MMRN2: variants seen among roughly 807,000 people sequenced by gnomAD.
The protein encoded by MMRN2 is multimerin 2, also known as multimerin-2.
A neutral mutation model predicts 68.8 loss-of-function variants in MMRN2; 53 were observed. The ratio of observed to expected loss-of-function variants is 0.77; its 90% confidence interval spans 0.62 to 0.97. The LOEUF is 0.97. MMRN2 is among the 50% of genes least tolerant of loss of function. MMRN2 has a pLI of 0.00. For synonymous variants in MMRN2, 564 were observed against 551.6 expected (o/e 1.02, Z -0.32); for missense variants, 1,266 against 1,259.5 (o/e 1.01, Z -0.08).
chr10:86,951,065 G>A (rs1397705455), intron 1 of MMRN2, among the ~76,000 whole-genome samples: 1 of 152,012 alleles, frequency 6.6e-6, no homozygotes, highest in East Asian at 1.9e-4. Context: ...TCCAGCCTGG[G>A]CAACAAGAGT....
chr10:86,953,766 C>T (rs901779672), intron 1 of MMRN2, among the ~76,000 whole-genome samples: 8 of 152,260 alleles, frequency 5.3e-5, no homozygotes, highest in Non-Finnish European at 5.9e-5. Context: ...CCTTGCAAAC[C>T]TCTGACCTAC....
At position 86,936,889 on chromosome 10, in the gene MMRN2, G is replaced by A; in HGVS notation, c.2704C>T (p.Gln902Ter). 6.2e-7 allele frequency: 1 copy of A among 1,614,186 alleles called. No individual in the cohort carries two copies. Among genetic ancestry groups the A allele is most frequent in the Non-Finnish European group, 8.5e-7 (1 of 1,180,044 alleles). Residue 902 changes from glutamine to a stop codon, truncating the protein, a stop_gained, in exon 7 of 7, where the codon CAG (glutamine) becomes TAG (stop). Coordinates refer to ENST00000372027, the MANE Select transcript of MMRN2 (RefSeq NM_024756.3). LOFTEE classifies it low-confidence loss of function (END_TRUNC). The part of the protein sequence containing the change: ...HHRTPVCTTG[Q>*]GSGSTATVFA... ...ACCGTTGCTGTGCTTCCACTCCCCT[G>A]CCCAGTGGTACAGACTGGAGTCCGA...
chr10:86,944,449 A>ATAAAT lies in MMRN2; in HGVS notation c.482-15_482-14insATTTA. The ATAAAT allele has an allele frequency of 6.2e-7, 1 of 1,612,876 alleles. No homozygotes were observed. Among genetic ancestry groups the ATAAAT allele is most frequent in the African/African-American group, 1.3e-5 (1 of 75,002 alleles). On this transcript the variant is annotated splice_polypyrimidine_tract_variant and intron_variant, in intron 4 of 6. Transcript: ENST00000372027. ...CAGCAAGGTGGCCTAAATACACAGC[A>ATAAAT]GACATAAATGTCAAGGGCTAACTCA...
At chr10:86,953,215 G>T (rs1278501415) in intron 1 of MMRN2, among the ~76,000 whole-genome samples, 1 of 152,124 alleles carries the variant, frequency 6.6e-6, no homozygotes, top group Non-Finnish European at 1.5e-5. Context: ...ACAGGGTCCT[G>T]AGGTGATGTA....
At position 86,943,209 on chromosome 10, in the gene MMRN2, C is replaced by T. The variant is rs1844004707; in HGVS notation, c.1575G>A (p.Arg525=). The T allele has an allele frequency of 6.2e-7, 1 of 1,609,804 alleles. No homozygotes were observed. Among genetic ancestry groups the T allele is most frequent in the African/African-American group, 1.3e-5 (1 of 74,986 alleles). Residue 525 remains arginine (R), a synonymous_variant, in exon 6 of 7, where the codon CGG becomes CGA. Coordinates refer to ENST00000372027, the MANE Select transcript of MMRN2 (RefSeq NM_024756.3). The surrounding 1 kb of genome is among the most constrained non-coding windows in gnomAD (Gnocchi z 4.2). ...GCAGGGAGGAGCCGTCCAGCTGCCG[C>T]CGCTCGTCCAGGCTCACCTGGGTCT... ...LEETQVSLDE[R]RQLDGSSLQA...
In MMRN2 at chr10:86,944,262, C is replaced by T. The variant is rs146064149; in HGVS notation, c.655G>A (p.Glu219Lys). 103 of 1,605,132 alleles carry T rather than the reference C, an allele frequency of 6.4e-5. No homozygotes were observed. The highest frequency in any genetic ancestry group is 1.3e-4 in the Admixed American group (8 of 59,526). Residue 219 changes from glutamate (E) to lysine (K), a missense_variant and splice_region_variant, in exon 5 of 7, where the codon GAG (glutamate) becomes AAG (lysine). By Grantham distance (56) the Glu-to-Lys change is moderately conservative. Coordinates refer to ENST00000372027, the MANE Select transcript of MMRN2 (RefSeq NM_024756.3). Reference sequence around the variant, plus strand: ...TCAGCCCCTAGAGCCTGCCACTCACCGTGCCCTGTTTGATTTGCTTCCATC... The same window carrying T: ...TCAGCCCCTAGAGCCTGCCACTCACTGTGCCCTGTTTGATTTGCTTCCATC... ...AVMEANQTGH[E>K]FPDRSLEQVL...
rs964378856 is a variant in MMRN2 at position 86,936,529 on chromosome 10, C to A, written c.*214G>T. On this transcript the variant is annotated 3_prime_UTR_variant, in exon 7 of 7. Coordinates refer to ENST00000372027, the MANE Select transcript of MMRN2 (RefSeq NM_024756.3). Reference sequence around the variant, plus strand: ...AGGTTCAGGCTTCCTAGGACCATGTCCTGCCCGGAGAAGCATTCCAGTCCT... The same window carrying A: ...AGGTTCAGGCTTCCTAGGACCATGTACTGCCCGGAGAAGCATTCCAGTCCT... The A allele has an allele frequency of 1.5e-5, 9 of 620,478 alleles. No individual in the cohort carries two copies. In the African/African-American group the frequency reaches 1.7e-4, roughly 11 times the overall value. 38.4% of individuals were successfully genotyped at this position (620,478 alleles called of 1,614,324 possible). A position where few individuals can be genotyped will look rare whatever the true frequency, so the allele number is the denominator to read the frequency against.
intron 1 of MMRN2, among the ~76,000 whole-genome samples, chr10:86,947,295 G>A (rs1358756389): frequency 6.6e-6 from 1 of 152,124 alleles, no homozygotes; most frequent in South Asian, 2.1e-4. Context: ...CTCTGGAGCC[G>A]GTCTTTGTCC....
At position 86,943,870 on chromosome 10, in the gene MMRN2, C is replaced by A; in HGVS notation, c.914G>T (p.Gly305Val). 6.2e-7 allele frequency: 1 copy of A among 1,613,908 alleles called. No homozygotes were observed. Among genetic ancestry groups the A allele is most frequent in the Non-Finnish European group, 8.5e-7 (1 of 1,180,034 alleles). ...GTCCTCCACGTCCTGTCGCAGCTGA[C>A]CCACTCTCTGAGTGTTCTCCTGGAC... ...AKVQENTQRV[G>V]QLRQDVEDRL... The change falls in exon 6 of 7, where the codon GGT becomes GTT. Residue 305 changes from glycine to valine, a missense_variant. By Grantham distance (109) the Gly-to-Val change is moderately radical (BLOSUM62 -3). Transcript: ENST00000372027. The surrounding 1 kb of genome is among the most constrained non-coding windows in gnomAD (Gnocchi z 4.2).
In MMRN2 at chr10:86,957,607, C is replaced by A; in HGVS notation, c.-66G>T. The A allele has an allele frequency of 6.6e-7, 1 of 1,511,176 alleles. No individual in the cohort carries two copies. Among genetic ancestry groups the A allele is most frequent in the Admixed American group, 2.1e-5 (1 of 47,118 alleles). 93.6% of individuals were successfully genotyped at this position (1,511,176 alleles called of 1,614,324 possible). On this transcript the variant is annotated 5_prime_UTR_variant, in exon 1 of 7. Coordinates refer to ENST00000372027, the MANE Select transcript of MMRN2 (RefSeq NM_024756.3). The stretch of plus-strand genomic sequence containing the variant: ...AAGTAGCTCCAGAAACTGCTAGTGA[C>A]GTTGTCTTCAAGTTAAATCTCAGGA...
Position 86,943,230 on chromosome 10 carries a change from G to A in MMRN2, c.1554C>T (p.Thr518=). Reference sequence around the variant, plus strand: ...GCCGCCGCTCGTCCAGGCTCACCTGGGTCTCCTCCAGGGCACGCGTGGCGT... The same window carrying A: ...GCCGCCGCTCGTCCAGGCTCACCTGAGTCTCCTCCAGGGCACGCGTGGCGT... ...QRDATRALEE[T]QVSLDERRQL... is the part of the protein sequence containing the mutation. Residue 518 remains threonine (T), a synonymous_variant, in exon 6 of 7, where the codon ACC becomes ACT. Coordinates refer to ENST00000372027, the MANE Select transcript of MMRN2 (RefSeq NM_024756.3). This position sits in a 1 kb window ranked among gnomAD's most constrained non-coding sequence, Gnocchi z 4.2. 1 of 1,610,982 alleles carries A rather than the reference G, an allele frequency of 6.2e-7. No homozygotes were observed. The highest frequency in any genetic ancestry group is 1.3e-5 in the African/African-American group (1 of 75,016).
chr10:86,939,823 G>GTGTGTGTGTT (rs1843939719), intron 6 of MMRN2, among the ~76,000 whole-genome samples: 1 of 135,622 alleles, frequency 7.4e-6, no homozygotes, highest in Non-Finnish European at 1.6e-5. Context: ...GTGTGTGTGT[G>GTGTGTGTGTT]TGTGTGTGTG....
chr10:86,955,076 G>T (rs1844200455), intron 1 of MMRN2, among the ~76,000 whole-genome samples: 1 of 152,174 alleles, frequency 6.6e-6, no homozygotes, highest in Admixed American at 6.5e-5. Flanking sequence ...CCACCCTCTT[G>T]GGGGGACAGG....
intron 1 of MMRN2, among the ~76,000 whole-genome samples, chr10:86,955,131 G>T (rs1270911371): frequency 1.3e-5 from 2 of 152,198 alleles, no homozygotes; most frequent in South Asian, 4.1e-4. Context: ...TAGGAGCTCT[G>T]TGGCCCTGGG....
In MMRN2 at chr10:86,942,839, G is replaced by A; in HGVS notation, c.1945C>T (p.Gln649Ter). 2 of 1,379,168 alleles carry A rather than the reference G, an allele frequency of 1.5e-6. No homozygotes were observed. Among genetic ancestry groups the A allele is most frequent in the South Asian group, 1.7e-5 (1 of 59,436 alleles). 85.4% of individuals were successfully genotyped at this position (1,379,168 alleles called of 1,614,324 possible). A position where few individuals can be genotyped will look rare whatever the true frequency, so the allele number is the denominator to read the frequency against. ...VALQDAASGL[Q>*]EQALGWDELA... ...TCGTCCCAGCCGAGCGCCTGCTCCT[G>A]CAGCCCGCTAGCGGCGTCCTGCAGG... The change falls in exon 6 of 7, where the codon CAG (glutamine) becomes TAG (stop). Residue 649 changes from glutamine (Q) to a stop codon, truncating the protein, a stop_gained. Transcript: ENST00000372027. LOFTEE classifies it high-confidence loss of function.
In MMRN2 at chr10:86,943,212, C is replaced by T. The variant is rs776441669; in HGVS notation, c.1572G>A (p.Glu524=). Residue 524 remains glutamate (E), a synonymous_variant, in exon 6 of 7, where the codon GAG becomes GAA. Coordinates refer to ENST00000372027, the MANE Select transcript of MMRN2 (RefSeq NM_024756.3). This position sits in a 1 kb window ranked among gnomAD's most constrained non-coding sequence, Gnocchi z 4.2. ...GGGAGGAGCCGTCCAGCTGCCGCCG[C>T]TCGTCCAGGCTCACCTGGGTCTCCT... ...ALEETQVSLD[E]RRQLDGSSLQ... 6.2e-7 allele frequency: 1 copy of T among 1,609,846 alleles called. No homozygotes were observed. The highest frequency in any genetic ancestry group is 2.2e-5 in the East Asian group (1 of 44,766).
At position 86,943,535 on chromosome 10, in the gene MMRN2, A is replaced by C. The variant is rs779988022; in HGVS notation, c.1249T>G (p.Ser417Ala). Residue 417 changes from serine to alanine, a missense_variant, in exon 6 of 7, where the codon TCC (serine) becomes GCC (alanine). Coordinates refer to ENST00000372027, the MANE Select transcript of MMRN2 (RefSeq NM_024756.3). This position sits in a 1 kb window ranked among gnomAD's most constrained non-coding sequence, Gnocchi z 4.2. The part of the protein sequence containing the change: ...RHVDEIKELY[S>A]ESDETFDQIS... ...TGATCGAAAGTCTCGTCCGATTCGGAGTACAGTTCCTTGATCTCATCCACG... is the reference window on the plus strand; with the variant it reads ...TGATCGAAAGTCTCGTCCGATTCGGCGTACAGTTCCTTGATCTCATCCACG... 73 of 1,614,062 alleles carry C rather than the reference A, an allele frequency of 4.5e-5. No individual in the cohort carries two copies. Among genetic ancestry groups the C allele is most frequent in the Non-Finnish European group, 5.9e-5 (70 of 1,180,042 alleles).
intron 1 of MMRN2, among the ~76,000 whole-genome samples, chr10:86,951,335 T>C (rs79621139): frequency 0.012 from 1,883 of 152,308 alleles, 46 homozygotes; most frequent in African/African-American, 0.042. Context: ...GCCAGCTACA[T>C]AATCTTCAGG....
Position 86,942,900 on chromosome 10 carries a change from T to C in MMRN2, c.1884A>G (p.Gly628=). 6.8e-7 allele frequency: 1 copy of C among 1,468,308 alleles called. No individual in the cohort carries two copies. Among genetic ancestry groups the C allele is most frequent in the Non-Finnish European group, 9.0e-7 (1 of 1,108,580 alleles). 91.0% of individuals were successfully genotyped at this position (1,468,308 alleles called of 1,614,324 possible). The change falls in exon 6 of 7, where the codon GGA becomes GGG. Residue 628 remains glycine (G), a synonymous_variant. Coordinates refer to ENST00000372027, the MANE Select transcript of MMRN2 (RefSeq NM_024756.3). ...TCTGCTCGTAGCTCAGGGGCAGCGG[T>C]CCCGGCGTCTGCTCAGACATCTCCT... ...VLEEMSEQTP[G]PLPLSYEQIR... is the part of the protein sequence containing the mutation.
Sources: gnomAD v4.1 joint callset for allele counts (sites outside exome capture counted in the v4.1 genomes callset) on GRCh38, gnomAD v4.1.1 for gene constraint, Gnocchi (gnomAD v3.1) non-coding constraint, MANE v1.5 for transcripts, NCBI Gene and HGNC (gene_info 2026-07-23, HGNC 2026-07-21) for gene names.